CSMD3: variants seen among roughly 807,000 people sequenced by gnomAD.
CSMD3 encodes CUB and Sushi multiple domains 3, also known as CUB and sushi domain-containing protein 3.
CSMD3 carries 177 observed loss-of-function variants against 435.2 expected under a neutral mutation model. That is an observed-to-expected ratio of 0.41 (90% CI 0.36 to 0.46). The LOEUF (loss-of-function observed/expected upper bound fraction) is 0.46. Among genes scored for constraint, CSMD3 ranks in the 20% least tolerant of loss-of-function variants. The pLI is 0.34. For missense variants in CSMD3, 4,265 were observed against 4,504.6 expected, an observed-to-expected ratio of 0.95 and a Z score of 1.52; for synonymous variants, 1,656 against 1,520.5, an observed-to-expected ratio of 1.09 and a Z score of -2.07.
At chr8:112,591,345 T>C (rs1230628515) in intron 22 of CSMD3, among the ~76,000 whole-genome samples, 1 of 152,108 alleles carries the variant, frequency 6.6e-6, no homozygotes, top group Non-Finnish European at 1.5e-5. Flanking sequence ...GAGTCACTGA[T>C]ACAGTGAAGA....
chr8:112,859,032 C>A, intron 11 of CSMD3, 113 bp downstream of exon 11: 1 of 1,010,928 alleles, frequency 9.9e-7, no homozygotes, highest in South Asian at 1.4e-5. Flanking sequence ...GAATATTGCG[C>A]CAAAATCCTA....
chr8:112,850,297 T>C lies in CSMD3; in HGVS notation c.1755+8848A>G, dbSNP rs76886674. ...TTAATAATTGGCTCTTTGAAAAACA[T>C]GCTTATTAAAAATTTACTTATATAA... On this transcript the variant is annotated intron_variant, in intron 11 of 70. Coordinates refer to ENST00000297405, the MANE Select transcript of CSMD3 (RefSeq NM_198123.2). Among the ~76,000 whole-genome samples, 20 of 152,226 alleles carry C rather than the reference T, an allele frequency of 1.3e-4. No individual in the cohort carries two copies. The East Asian group carries it at 3.9e-3, about 29-fold the overall frequency.
chr8:112,248,623 C>G, intron 63 of CSMD3, among the ~76,000 whole-genome samples: 1 of 152,066 alleles, frequency 6.6e-6, no homozygotes, highest in East Asian at 1.9e-4. Context: ...CTGCCTTCCC[C>G]TTAATTCCTA....
At chr8:113,403,229 T>C (rs2094518122) in intron 1 of CSMD3, among the ~76,000 whole-genome samples, 1 of 151,382 alleles carries the variant, frequency 6.6e-6, no homozygotes, top group Non-Finnish European at 1.5e-5. Flanking sequence ...TGATGAATAA[T>C]TAAACAACAA....
chr8:112,850,036 T>C (rs2080440635), intron 11 of CSMD3, among the ~76,000 whole-genome samples: 1 of 152,124 alleles, frequency 6.6e-6, no homozygotes, highest in Non-Finnish European at 1.5e-5. Context: ...ACCTACATGT[T>C]AGGGTTGTTG....
intron 45 of CSMD3, 70 bp downstream of exon 45, chr8:112,335,259 T>G: frequency 7.1e-7 from 1 of 1,408,770 alleles, no homozygotes; most frequent in Non-Finnish European, 1.0e-6. Context: ...TAAATATATA[T>G]TACATTCACT....
At chr8:112,284,873 A>G (rs1330769037) in intron 58 of CSMD3, among the ~76,000 whole-genome samples, 1 of 151,966 alleles carries the variant, frequency 6.6e-6, no homozygotes, top group East Asian at 1.9e-4. Context: ...AATATTTTAA[A>G]GTTCTAGTTT....
intron 5 of CSMD3, among the ~76,000 whole-genome samples, chr8:113,042,217 T>G (rs539993099): frequency 1.3e-5 from 2 of 152,288 alleles, no homozygotes; most frequent in African/African-American, 4.8e-5. Flanking sequence ...TCACTGGGGT[T>G]ATATTGCACT....
rs145824892 is a variant in CSMD3 at position 112,829,310 on chromosome 8, T to C, written c.1859+376A>G. ...TCAAATGTGCACCAGGTATTTGTGA[T>C]GCATTTGTGATGCAAAAAGACCCTA... On this transcript the variant is annotated intron_variant, in intron 12 of 70. Transcript: ENST00000297405. Among the ~76,000 whole-genome samples the C allele has an allele frequency of 3.0e-3, 452 of 152,284 alleles. 4 individuals are homozygous for C. The highest frequency in any genetic ancestry group is 0.01 in the African/African-American group (431 of 41,562).
Position 112,292,698 on chromosome 8 carries a change from C to A in CSMD3, c.8627G>T (p.Gly2876Val), listed in dbSNP as rs2130691071. 6.2e-7 allele frequency: 1 copy of A among 1,613,566 alleles called. No individual in the cohort carries two copies. The highest frequency in any genetic ancestry group is 8.5e-7 in the Non-Finnish European group (1 of 1,179,634). ...TCCATAAATTGGACTACCAGGGTGACCACAGCTAACAGCTAATAAGATGTG... is the reference window on the plus strand; with the variant it reads ...TCCATAAATTGGACTACCAGGGTGAACACAGCTAACAGCTAATAAGATGTG... ...QLPSCVPVSC[G>V]HPGSPIYGRT... The change falls in exon 55 of 71, where the codon GGT becomes GTT. Residue 2876 changes from glycine (G) to valine (V), a missense_variant. By Grantham distance (109) the Gly-to-Val change is moderately radical. Coordinates refer to ENST00000297405, the MANE Select transcript of CSMD3 (RefSeq NM_198123.2).
intron 6 of CSMD3, among the ~76,000 whole-genome samples, chr8:113,003,709 T>A (rs574419751): frequency 6.6e-6 from 1 of 152,154 alleles, no homozygotes; most frequent in South Asian, 2.1e-4. Context: ...TAACTTTGGA[T>A]TAAGTTTAAA....
At chr8:113,159,521 G>A (rs1316178026) in intron 4 of CSMD3, among the ~76,000 whole-genome samples, 1 of 151,824 alleles carries the variant, frequency 6.6e-6, no homozygotes, top group African/African-American at 2.4e-5. Context: ...CTGCCCATCT[G>A]CATTTTTCTG....
intron 10 of CSMD3, among the ~76,000 whole-genome samples, chr8:112,906,071 A>G (rs975840303): frequency 6.6e-6 from 1 of 151,408 alleles, no homozygotes; most frequent in Non-Finnish European, 1.5e-5. Context: ...AGGGCCCTCA[A>G]TGCAATCCAA....
chr8:112,661,574 A>T (rs972703979), intron 17 of CSMD3, among the ~76,000 whole-genome samples: 2 of 152,146 alleles, frequency 1.3e-5, no homozygotes, highest in East Asian at 3.9e-4. Context: ...CTAGGTGTTT[A>T]TTTATTTAAT....
In CSMD3 at chr8:113,070,654, C is replaced by T. The variant is rs111557522; in HGVS notation, c.917+28102G>A. The stretch of plus-strand genomic sequence containing the variant: ...GCAACCACCATTCTACCCTGTACTT[C>T]TATGAGTTCAACTAGTTTAGATTCC... On this transcript the variant is annotated intron_variant, in intron 5 of 70. Coordinates refer to ENST00000297405, the MANE Select transcript of CSMD3 (RefSeq NM_198123.2). 8.2e-3 allele frequency among the ~76,000 whole-genome samples: 1,251 copies of T among 152,096 alleles called. 30 individuals carry two copies. The highest frequency in any genetic ancestry group is 0.029 in the African/African-American group (1,184 of 41,514).
intron 3 of CSMD3, among the ~76,000 whole-genome samples, chr8:113,274,566 TG>T (rs2132436634): frequency 6.6e-6 from 1 of 152,182 alleles, no homozygotes; most frequent in African/African-American, 2.4e-5. Context: ...AGATACCTAT[TG>T]GTCTTTCATC....
intron 10 of CSMD3, among the ~76,000 whole-genome samples, chr8:112,873,230 A>C (rs2081186445): frequency 6.6e-6 from 1 of 152,028 alleles, no homozygotes; most frequent in South Asian, 2.1e-4. Flanking sequence ...ACTAACCATT[A>C]AACATTAAGT....
chr8:112,601,912 G>A (rs1001991201), intron 22 of CSMD3, among the ~76,000 whole-genome samples: 1 of 152,110 alleles, frequency 6.6e-6, no homozygotes, highest in Non-Finnish European at 1.5e-5. Context: ...TATTAGGGAT[G>A]TTAAAAACAA....
chr8:112,298,880 A>G lies in CSMD3; in HGVS notation c.8441-2874T>C, dbSNP rs570515878. On this transcript the variant is annotated intron_variant, in intron 53 of 70. Transcript: ENST00000297405. ...ATTCTGTTGTGAGTATTCAAGAGAA[A>G]TGAATGCGTATGTCCACAAAAAGAC... 2.6e-5 allele frequency among the ~76,000 whole-genome samples: 4 copies of G among 152,260 alleles called. No homozygotes were observed. In the South Asian group the frequency reaches 8.3e-4, roughly 32 times the overall value.
Sources: allele counts gnomAD v4.1 joint callset (sites outside exome capture counted in the v4.1 genomes callset), GRCh38; gene constraint gnomAD v4.1.1; transcripts MANE v1.5; gene names NCBI Gene and HGNC (gene_info 2026-07-23, HGNC 2026-07-21).